NAT10: variants seen among roughly 807,000 people sequenced by gnomAD.
NAT10 encodes the protein RNA cytidine acetyltransferase.
NAT10 carries 109 observed loss-of-function variants against 132.2 expected under a neutral mutation model. The observed-to-expected ratio is 0.82, with a 90% CI of 0.71 to 0.97. The LOEUF is 0.97. Ranked by LOEUF, NAT10 falls within the 50% of genes least tolerant of loss-of-function variation. NAT10 has a pLI of 0.00. For synonymous variants in NAT10, 479 were observed against 478.0 expected (o/e 1.00, Z -0.03); for missense variants, 1,184 against 1,263.4 (o/e 0.94, Z 0.95).
At chr11:34,140,001 T>C (rs893180063) in intron 23 of NAT10, among the ~76,000 whole-genome samples, 1 of 152,266 alleles carries the variant, frequency 6.6e-6, no homozygotes, top group African/African-American at 2.4e-5. Flanking sequence ...TGTGTGTATA[T>C]ACTTTTTTGC....
At chr11:34,109,360 T>C (rs1352227279) in intron 3 of NAT10, among the ~76,000 whole-genome samples, 2 of 152,250 alleles carry the variant, frequency 1.3e-5, no homozygotes, top group Admixed American at 6.5e-5. Flanking sequence ...ATTACTTACA[T>C]ACCCAGATTT....
rs544136743 is a variant in NAT10 at position 34,105,663 on chromosome 11, C to G, written c.-145C>G. 1 of 152,364 alleles carries G rather than the reference C, an allele frequency of 6.6e-6. No homozygotes were observed. Among genetic ancestry groups the G allele is most frequent in the Non-Finnish European group, 1.5e-5 (1 of 68,118 alleles). The allele number at this position is 152,364 out of a possible 1,614,324, so 9.4% of individuals were successfully genotyped here. A position where few individuals can be genotyped will look rare whatever the true frequency, so the allele number is the denominator to read the frequency against. On this transcript the variant is annotated 5_prime_UTR_variant, in exon 1 of 29. Coordinates refer to ENST00000257829, the MANE Select transcript of NAT10 (RefSeq NM_024662.3). The stretch of plus-strand genomic sequence containing the variant: ...GAGGGACGCGTGCCGCGGAGCCAGG[C>G]TTACTACGTGACCCGGACACCAGGC...
At chr11:34,111,978 C>A in intron 3 of NAT10, 74 bp from the exon 4 acceptor site, 1 of 1,555,862 alleles carries the variant, frequency 6.4e-7, no homozygotes, top group Non-Finnish European at 8.8e-7. Context: ...GATCACTGAG[C>A]CTTTCCCCTG....
intron 9 of NAT10, among the ~76,000 whole-genome samples, chr11:34,122,808 G>C (rs1160852551): frequency 6.6e-6 from 1 of 152,234 alleles, no homozygotes; most frequent in Non-Finnish European, 1.5e-5. Context: ...TGTACACACA[G>C]ACACATATAT....
intron 4 of NAT10, among the ~76,000 whole-genome samples, chr11:34,112,951 T>C (rs1851721341): frequency 6.6e-6 from 1 of 152,266 alleles, no homozygotes; most frequent in Non-Finnish European, 1.5e-5. Context: ...CACTTACAAC[T>C]GTGCCCATTA....
chr11:34,115,889 T>C lies in NAT10; in HGVS notation c.557+5T>C. 6.2e-7 allele frequency: 1 copy of C among 1,614,018 alleles called. No homozygotes were observed. The highest frequency in any genetic ancestry group is 1.1e-5 in the South Asian group (1 of 91,046). ...GGTGGGAAGATTTAATGAAAGGTAA[T>C]TCTATAGTTCCCCCCAATTGTGGGG... On this transcript the variant is annotated splice_donor_5th_base_variant and intron_variant, in intron 6 of 28. Transcript: ENST00000257829.
At chr11:34,118,571 C>A in intron 8 of NAT10, 68 bp downstream of exon 8, 1 of 1,329,500 alleles carries the variant, frequency 7.5e-7, no homozygotes, top group Non-Finnish European at 1.0e-6. Context: ...GTAACAGAAG[C>A]CAAGGTACGT....
intron 14 of NAT10, among the ~76,000 whole-genome samples, chr11:34,131,888 G>A (rs938088311): frequency 6.6e-6 from 1 of 151,964 alleles, no homozygotes; most frequent in East Asian, 1.9e-4. Context: ...GTTTCACCAT[G>A]TTGGTCAGGC....
chr11:34,138,090 G>A (rs1006348344), intron 21 of NAT10, among the ~76,000 whole-genome samples: 1 of 152,212 alleles, frequency 6.6e-6, no homozygotes, highest in Admixed American at 6.5e-5. Context: ...TCCGATGGGA[G>A]ATTCTAGAGA....
chr11:34,118,039 C>G (rs972528533), intron 6 of NAT10, 141 bp from the exon 7 acceptor site: 3 of 625,954 alleles, frequency 4.8e-6, no homozygotes, highest in Admixed American at 5.6e-5. Context: ...TCATCTCACA[C>G]TGCTCTCCAA....
chr11:34,132,037 A>G (rs1852115245), intron 14 of NAT10, 88 bp from the exon 15 acceptor site: 1 of 968,148 alleles, frequency 1.0e-6, no homozygotes, highest in Non-Finnish European at 1.7e-6. Flanking sequence ...TCCTGTTCCC[A>G]GCTACGGAAA....
intron 6 of NAT10, among the ~76,000 whole-genome samples, 158 bp from the exon 7 acceptor site, chr11:34,118,022 T>A (rs1441037084): frequency 1.3e-5 from 2 of 152,148 alleles, no homozygotes; most frequent in Non-Finnish European, 2.9e-5. Context: ...GTGGAGGAGG[T>A]GCTGAATCAT....
intron 14 of NAT10, among the ~76,000 whole-genome samples, 159 bp downstream of exon 14, chr11:34,131,690 CT>C (rs372631421): frequency 0.011 from 1,344 of 123,828 alleles, 9 homozygotes; most frequent in African/African-American, 0.033. Flanking sequence ...TTTTTTCTTT[CT>C]TTTTTTTTTT....
At chr11:34,116,025 G>T in intron 6 of NAT10, 141 bp downstream of exon 6, 1 of 749,202 alleles carries the variant, frequency 1.3e-6, no homozygotes, top group East Asian at 2.8e-5. Context: ...GACAGCAGCA[G>T]CAGTTGTGAG....
intron 9 of NAT10, 58 bp downstream of exon 9, chr11:34,122,650 A>C (rs1851915422): frequency 6.3e-7 from 1 of 1,596,844 alleles, no homozygotes. Context: ...GGTAGTGTGC[A>C]GGGTTGGGGT....
chr11:34,135,423 A>G (rs1327810094), intron 19 of NAT10, 132 bp downstream of exon 19: 1 of 696,252 alleles, frequency 1.4e-6, no homozygotes, highest in African/African-American at 1.8e-5. Context: ...GCTTTCTCCT[A>G]CCGAACACTT....
chr11:34,110,465 T>C (rs1184749190), intron 3 of NAT10, among the ~76,000 whole-genome samples: 1 of 151,824 alleles, frequency 6.6e-6, no homozygotes, highest in Non-Finnish European at 1.5e-5. Flanking sequence ...TCCTCTGCAC[T>C]TGTCCTTCTC....
chr11:34,124,378 G>A lies in NAT10; in HGVS notation c.1085G>A (p.Arg362Gln), dbSNP rs887949387. Residue 362 changes from arginine (R) to glutamine (Q), a missense_variant, in exon 11 of 29, where the codon CGA becomes CAA. Physicochemically the swap from Arg to Gln is conservative, Grantham distance 43. Coordinates refer to ENST00000257829, the MANE Select transcript of NAT10 (RefSeq NM_024662.3). ...GCAGTGATCAGAGTGAATGTATTTCGAGAACACAGGCAGACTATTCAGGTG... is the reference window on the plus strand; with the variant it reads ...GCAGTGATCAGAGTGAATGTATTTCAAGAACACAGGCAGACTATTCAGGTG... Reference protein sequence around the residue: ...NKAVIRVNVFREHRQTIQYIH... With the variant: ...NKAVIRVNVFQEHRQTIQYIH... 5 of 1,613,684 alleles carry A rather than the reference G, an allele frequency of 3.1e-6. No homozygotes were observed. The highest frequency in any genetic ancestry group is 3.4e-6 in the Non-Finnish European group (4 of 1,179,712).
chr11:34,125,065 T>G (rs1341700628), intron 11 of NAT10, among the ~76,000 whole-genome samples: 1 of 152,260 alleles, frequency 6.6e-6, no homozygotes, highest in Non-Finnish European at 1.5e-5. Context: ...GTTTATACCC[T>G]AGCACTTTAT....
Sources: gnomAD v4.1 joint callset for allele counts (sites outside exome capture counted in the v4.1 genomes callset) on GRCh38, gnomAD v4.1.1 for gene constraint, MANE v1.5 for transcripts, NCBI Gene and HGNC (gene_info 2026-07-23, HGNC 2026-07-21) for gene names.